UBE2K: variants seen among roughly 807,000 people sequenced by gnomAD.
UBE2K encodes the protein ubiquitin-conjugating enzyme E2 K.
UBE2K carries 6 observed loss-of-function variants against 30.0 expected under a neutral mutation model. That is an observed-to-expected ratio of 0.20 (90% confidence interval 0.11 to 0.39). The LOEUF (loss-of-function observed/expected upper bound fraction) is 0.39. UBE2K is among the 10% of genes least tolerant of loss of function. UBE2K has a pLI of 1.00. For missense variants in UBE2K, 61 were observed against 241.6 expected, an observed-to-expected ratio of 0.25 and a Z score of 4.96; for synonymous variants, 86 against 83.7, an observed-to-expected ratio of 1.03 and a Z score of -0.15.
At chr4:39,700,525 T>G (rs1268146981) in intron 1 of UBE2K, among the ~76,000 whole-genome samples, 1 of 152,214 alleles carries the variant, frequency 6.6e-6, no homozygotes, top group East Asian at 1.9e-4. Context: ...ATAGCTTATT[T>G]TCACCAGTAT....
chr4:39,730,709 G>T (rs1424057841), intron 1 of UBE2K, among the ~76,000 whole-genome samples: 1 of 151,628 alleles, frequency 6.6e-6, no homozygotes, highest in Non-Finnish European at 1.5e-5. Flanking sequence ...GGTGGAGTTT[G>T]CAGTGAGCTG....
intron 4 of UBE2K, chr4:39,760,894 T>C (rs1711896552): frequency 6.6e-6 from 1 of 152,226 alleles, no homozygotes; most frequent in Non-Finnish European, 1.5e-5. Context: ...AAAAATACTC[T>C]ATTTTTATCC....
intron 1 of UBE2K, among the ~76,000 whole-genome samples, chr4:39,708,656 A>G (rs1718508584): frequency 6.6e-6 from 1 of 152,084 alleles, no homozygotes; most frequent in Middle Eastern, 3.2e-3. Flanking sequence ...GTCTTAGAAA[A>G]TGTGCCAAAA....
chr4:39,708,551 T>G (rs150101806), intron 1 of UBE2K, among the ~76,000 whole-genome samples: 1 of 152,226 alleles, frequency 6.6e-6, no homozygotes, highest in Non-Finnish European at 1.5e-5. Flanking sequence ...TGAGTATGTT[T>G]GAGTAAAAGA....
At chr4:39,774,148 C>T (rs1388759033) in intron 4 of UBE2K, among the ~76,000 whole-genome samples, 7 of 150,724 alleles carry the variant, frequency 4.6e-5, no homozygotes, top group Non-Finnish European at 8.9e-5. Flanking sequence ...AAAGGAAAAA[C>T]AAAAAAAATG....
intron 3 of UBE2K, among the ~76,000 whole-genome samples, chr4:39,748,214 C>A (rs752935852): frequency 2.6e-5 from 4 of 151,988 alleles, no homozygotes; most frequent in Non-Finnish European, 5.9e-5. Flanking sequence ...TTTATTAAAT[C>A]TCTCCCACCT....
rs773197431 is a variant in UBE2K, at chr4:39,778,435, G to C, written c.*1G>C. On this transcript the variant is annotated 3_prime_UTR_variant, in exon 7 of 7. Coordinates refer to ENST00000261427, the MANE Select transcript of UBE2K (RefSeq NM_005339.5). ...AACAGAATTGCTTCTGAGTAACTGA[G>C]GCATAGAGAGCTGCTGATATAGTCA... 1 of 1,604,498 alleles carries C rather than the reference G, an allele frequency of 6.2e-7. No homozygotes were observed. The highest frequency in any genetic ancestry group is 8.5e-7 in the Non-Finnish European group (1 of 1,172,224).
intron 1 of UBE2K, among the ~76,000 whole-genome samples, chr4:39,706,551 C>T (rs1031670060): frequency 6.6e-6 from 1 of 150,788 alleles, no homozygotes; most frequent in Non-Finnish European, 1.5e-5. Flanking sequence ...AAGCTCACTG[C>T]AGCCACCACC....
intron 1 of UBE2K, among the ~76,000 whole-genome samples, chr4:39,716,888 C>CT (rs1400024488): frequency 1.3e-5 from 2 of 150,328 alleles, no homozygotes; most frequent in Non-Finnish European, 2.9e-5. Context: ...ATCCCAGCTG[C>CT]TTGGGAAGCC....
At chr4:39,740,735 C>T (rs536283200) in intron 2 of UBE2K, among the ~76,000 whole-genome samples, 4 of 150,024 alleles carry the variant, frequency 2.7e-5, no homozygotes, top group Admixed American at 1.3e-4. Flanking sequence ...TGATGGTGGG[C>T]GCCTGTAGTC....
At chr4:39,771,714 C>A (rs1051733933) in intron 4 of UBE2K, among the ~76,000 whole-genome samples, 1 of 152,150 alleles carries the variant, frequency 6.6e-6, no homozygotes, top group Non-Finnish European at 1.5e-5. Flanking sequence ...CCTGGAGTTT[C>A]TGATTCAGTA....
intron 1 of UBE2K, 101 bp downstream of exon 1, chr4:39,698,491 T>C: frequency 9.1e-7 from 1 of 1,102,806 alleles, no homozygotes; most frequent in Non-Finnish European, 1.4e-6. Flanking sequence ...GTGGTCCTCC[T>C]TGCGGCCGCC....
intron 1 of UBE2K, among the ~76,000 whole-genome samples, chr4:39,701,254 G>A (rs1050940349): frequency 6.6e-6 from 1 of 152,108 alleles, no homozygotes; most frequent in Non-Finnish European, 1.5e-5. Flanking sequence ...GAATATTGAT[G>A]TAAAGTACAT....
intron 1 of UBE2K, among the ~76,000 whole-genome samples, chr4:39,702,329 A>G (rs892704307): frequency 5.9e-5 from 8 of 135,458 alleles, no homozygotes; most frequent in Admixed American, 4.2e-4. Flanking sequence ...ATCTTGGCTC[A>G]CCCCAACCTC....
intron 4 of UBE2K, among the ~76,000 whole-genome samples, chr4:39,756,349 C>T (rs1456336324): frequency 6.6e-6 from 1 of 152,236 alleles, no homozygotes; most frequent in African/African-American, 2.4e-5. Context: ...GTCTGTGTGC[C>T]TTAGTGTCCT....
intron 4 of UBE2K, chr4:39,770,344 T>G (rs1173735921): frequency 3.1e-6 from 5 of 1,613,410 alleles, no homozygotes; most frequent in Non-Finnish European, 4.2e-6. Context: ...TGGTTGAGGT[T>G]GTTGCTGTGG....
chr4:39,720,546 G>A (rs1719362530), intron 1 of UBE2K, among the ~76,000 whole-genome samples: 5 of 152,132 alleles, frequency 3.3e-5, no homozygotes, highest in Admixed American at 3.3e-4. Context: ...TAATAAGTGT[G>A]TTTGTTGACT....
chr4:39,716,882 C>T (rs1406831479), intron 1 of UBE2K, among the ~76,000 whole-genome samples: 2 of 151,504 alleles, frequency 1.3e-5, no homozygotes, highest in Non-Finnish European at 2.9e-5. Flanking sequence ...CCTGTAATCC[C>T]AGCTGCTTGG....
chr4:39,712,494 A>G (rs943176395), intron 1 of UBE2K, among the ~76,000 whole-genome samples: 2 of 150,902 alleles, frequency 1.3e-5, no homozygotes, highest in South Asian at 4.2e-4. Flanking sequence ...CAGTAGCACA[A>G]TCTTGGCTCA....
Sources: allele counts gnomAD v4.1 joint callset (sites outside exome capture counted in the v4.1 genomes callset), GRCh38; gene constraint gnomAD v4.1.1; transcripts MANE v1.5; gene names NCBI Gene and HGNC (gene_info 2026-07-23, HGNC 2026-07-21).